The following C4orf50 variants were observed in gnomAD, a reference collection of about 807,000 sequenced individuals.
The protein encoded by C4orf50 is chromosome 4 open reading frame 50, also known as uncharacterized protein C4orf50.
In C4orf50, 80 loss-of-function variants were observed where a neutral mutation model predicts 77.2. That is an observed-to-expected ratio of 1.04 (90% CI 0.87 to 1.25). C4orf50 has a LOEUF of 1.25. C4orf50 is among the 50% of genes most tolerant of loss of function. C4orf50 has a pLI of 0.00. For missense variants in C4orf50, 1,257 were observed against 1,152.9 expected (o/e 1.09, Z -1.31); for synonymous variants, 532 against 465.3 (o/e 1.14, Z -1.84).
chr4:6,018,383 T>A lies in C4orf50; in HGVS notation c.49A>T (p.Ile17Phe), dbSNP rs566683142. 33 of 399,072 alleles carry A rather than the reference T, an allele frequency of 8.3e-5. No homozygotes were observed. Among genetic ancestry groups the A allele is most frequent in the African/African-American group, 6.6e-4 (32 of 48,760 alleles). 24.7% of individuals were successfully genotyped at this position (399,072 alleles called of 1,614,324 possible). A position where few individuals can be genotyped will look rare whatever the true frequency, so the allele number is the denominator to read the frequency against. Residue 17 changes from isoleucine (I) to phenylalanine (F), a missense_variant, in exon 23 of 34, where the codon ATC becomes TTC. Ile to Phe is a conservative substitution (Grantham distance 21, BLOSUM62 0). Transcript: ENST00000531445. This position sits in a 1 kb window ranked among gnomAD's most constrained non-coding sequence, Gnocchi z 5.1. ...AACCCCTCACTGCTGGGGGCTCTGATGACGTAGCTGAAACTCTCCTCAGTC... is the reference window on the plus strand; with the variant it reads ...AACCCCTCACTGCTGGGGGCTCTGAAGACGTAGCTGAAACTCTCCTCAGTC...
chr4:5,931,103 C>T (rs1299871297), intron 7 of C4orf50, among the ~76,000 whole-genome samples: 1 of 152,198 alleles, frequency 6.6e-6, no homozygotes, highest in Admixed American at 6.5e-5. Context: ...CTGCAGGTCA[C>T]TGGAATCCAA....
intron 7 of C4orf50, among the ~76,000 whole-genome samples, chr4:5,946,709 G>A (rs1718496254): frequency 6.6e-6 from 1 of 152,228 alleles, no homozygotes; most frequent in Admixed American, 6.5e-5. Context: ...TCGGGTTTCA[G>A]TTTAGATTGT....
chr4:5,996,799 G>A (rs756213845), intron 25 of C4orf50, among the ~76,000 whole-genome samples: 4 of 152,228 alleles, frequency 2.6e-5, no homozygotes, highest in Non-Finnish European at 5.9e-5. Context: ...GGCCTGGGCA[G>A]CGACATCCTG....
Position 6,000,649 on chromosome 4 carries a change from C to T in C4orf50, c.964-6173G>A, listed in dbSNP as rs1721791950. Among the ~76,000 whole-genome samples, 1 of 152,142 alleles carries T rather than the reference C, an allele frequency of 6.6e-6. No homozygotes were observed. The highest frequency in any genetic ancestry group is 2.4e-5 in the African/African-American group (1 of 41,442). Reference sequence around the variant, plus strand: ...TCTGCCCCTACCTCCTTCACCCAATCTGTTTTGTCATCCTGTGGGGCAGGG... The same window carrying T: ...TCTGCCCCTACCTCCTTCACCCAATTTGTTTTGTCATCCTGTGGGGCAGGG... On this transcript the variant is annotated intron_variant, in intron 25 of 33. Coordinates refer to ENST00000531445, the Ensembl canonical transcript of C4orf50. This position sits in a 1 kb window ranked among gnomAD's most constrained non-coding sequence, Gnocchi z 6.0.
At chr4:5,961,866 G>A (rs778737895) in intron 33 of C4orf50, among the ~76,000 whole-genome samples, 2 of 151,924 alleles carry the variant, frequency 1.3e-5, no homozygotes, top group South Asian at 2.1e-4. Context: ...TTTGTGTGAC[G>A]TGACAAATTT....
chr4:5,922,057 T>C (rs1021395957), intron 7 of C4orf50, among the ~76,000 whole-genome samples: 5 of 152,148 alleles, frequency 3.3e-5, no homozygotes. Flanking sequence ...AGGAAAGTGA[T>C]GAGAGCCCAG....
intron 7 of C4orf50, among the ~76,000 whole-genome samples, chr4:5,909,690 A>T (rs986680980): frequency 6.6e-6 from 1 of 152,158 alleles, no homozygotes; most frequent in Non-Finnish European, 1.5e-5. Context: ...ATAAGTGGTG[A>T]GAGATAGGGG....
rs1471663029 is a variant in C4orf50 at position 6,011,572 on chromosome 4, G to T, written c.426+258C>A. ...AGGAGCCCTGCATCAGCCAACTCCT[G>T]TCCTCAGTCTGTGGCCTGGCGCTGA... On this transcript the variant is annotated intron_variant, in intron 24 of 33. Coordinates refer to ENST00000531445, the Ensembl canonical transcript of C4orf50. This position sits in a 1 kb window ranked among gnomAD's most constrained non-coding sequence, Gnocchi z 4.2. 6.6e-6 allele frequency among the ~76,000 whole-genome samples: 1 copy of T among 152,108 alleles called. No homozygotes were observed. The highest frequency in any genetic ancestry group is 1.5e-5 in the Non-Finnish European group (1 of 68,024).
At chr4:6,013,907 A>C (rs929045017) in intron 23 of C4orf50, among the ~76,000 whole-genome samples, 1 of 152,094 alleles carries the variant, frequency 6.6e-6, no homozygotes, top group African/African-American at 2.4e-5. Flanking sequence ...GGAAGCTAAT[A>C]CACTCACGAA....
At position 6,008,315 on chromosome 4, in the gene C4orf50, G is replaced by A. The variant is rs1722336966; in HGVS notation, c.644C>T (p.Ala215Val). The A allele has an allele frequency of 5.1e-6, 2 of 388,616 alleles. No individual in the cohort carries two copies. Among genetic ancestry groups the A allele is most frequent in the Non-Finnish European group, 9.1e-6 (2 of 219,746 alleles). The allele number at this position is 388,616 out of a possible 1,614,324, so 24.1% of individuals were successfully genotyped here. ...CCACTGGGCCAGCAGGAGGCCCGCG[G>A]CGCGGCAGAGGCGCCGCACGTTGCG... Residue 215 changes from alanine to valine, a missense_variant, in exon 25 of 34, where the codon GCC (alanine) becomes GTC (valine). Coordinates refer to ENST00000531445, the Ensembl canonical transcript of C4orf50. The surrounding 1 kb of genome is among the most constrained non-coding windows in gnomAD (Gnocchi z 6.0).
intron 7 of C4orf50, among the ~76,000 whole-genome samples, chr4:5,944,152 C>G (rs1352262585): frequency 2.0e-5 from 3 of 152,182 alleles, no homozygotes; most frequent in African/African-American, 4.8e-5. Flanking sequence ...GCTTCCCTGG[C>G]CTCCTGGTTC....
intron 7 of C4orf50, among the ~76,000 whole-genome samples, chr4:5,921,250 C>T (rs1347894494): frequency 1.3e-5 from 2 of 152,180 alleles, no homozygotes; most frequent in East Asian, 3.9e-4. Flanking sequence ...GGCTCCCTGA[C>T]AGACTCTTCA....
intron 7 of C4orf50, among the ~76,000 whole-genome samples, chr4:5,936,489 G>GC (rs1718019138): frequency 6.7e-6 from 1 of 148,950 alleles, no homozygotes; most frequent in African/African-American, 2.5e-5. Context: ...TTGAACCCAG[G>GC]AGGTGAAGGC....
Position 5,992,848 on chromosome 4 carries a change from G to A in C4orf50, c.1176C>T (p.Thr392=). Residue 392 remains threonine, a synonymous_variant, in exon 27 of 34, where the codon ACC becomes ACT. Transcript: ENST00000531445. This position sits in a 1 kb window ranked among gnomAD's most constrained non-coding sequence, Gnocchi z 5.0. ...CCAGGTCTCTGGGGAGCTCGCTTGT[G>A]GTCTCCGGGCCTGGAGCCAAAACAG... 1 of 399,136 alleles carries A rather than the reference G, an allele frequency of 2.5e-6. No homozygotes were observed. Among genetic ancestry groups the A allele is most frequent in the Non-Finnish European group, 4.4e-6 (1 of 226,148 alleles). The allele number at this position is 399,136 out of a possible 1,614,324, so 24.7% of individuals were successfully genotyped here.
At chr4:5,923,475 A>G in intron 7 of C4orf50, 1 of 152,508 alleles carries the variant, frequency 6.6e-6, no homozygotes, top group Non-Finnish European at 1.5e-5. Context: ...GGCTGGGGAC[A>G]GGTGTGCATT....
rs556690144 is a variant in C4orf50, at chr4:6,015,905, G to A, written c.287+2240C>T. On this transcript the variant is annotated intron_variant, in intron 23 of 33. Transcript: ENST00000531445. The surrounding 1 kb of genome is among the most constrained non-coding windows in gnomAD (Gnocchi z 4.4). ...TGATTGGTCTTAGAGACCAGCCGGCGAATCTGGGTCCATATCCCCATGTCA... is the reference window on the plus strand; with the variant it reads ...TGATTGGTCTTAGAGACCAGCCGGCAAATCTGGGTCCATATCCCCATGTCA... Among the ~76,000 whole-genome samples the A allele has an allele frequency of 3.9e-5, 6 of 152,212 alleles. No homozygotes were observed. The highest frequency in any genetic ancestry group is 3.9e-4 in the East Asian group (2 of 5,164).
chr4:5,948,482 T>G (rs1330891256), intron 7 of C4orf50, among the ~76,000 whole-genome samples: 1 of 151,736 alleles, frequency 6.6e-6, no homozygotes, highest in Non-Finnish European at 1.5e-5. Flanking sequence ...CTGACCAACA[T>G]GGTGAAACCC....
chr4:5,988,955 G>A lies in C4orf50; in HGVS notation c.3091C>T (p.Leu1031Phe), dbSNP rs78024534. The change falls in exon 28 of 34, where the codon CTC becomes TTC. Residue 1031 changes from leucine (L) to phenylalanine (F), a missense_variant. By Grantham distance (22) the Leu-to-Phe change is conservative (BLOSUM62 0). Coordinates refer to ENST00000531445, the Ensembl canonical transcript of C4orf50. ...ACACTCTCAGACGTGGCTTTCTGGA[G>A]TTGGCCCAGATTCCCTTTCAGTGTT... 7.2e-4 allele frequency: 1,109 copies of A among 1,536,048 alleles called. 11 individuals carry two copies. In the African/African-American group the frequency reaches 0.014, roughly 19 times the overall value.
At chr4:5,989,631 CTCA>C (rs1228073528) in exon 28 of C4orf50, 6 of 1,536,042 alleles carry the variant, frequency 3.9e-6, no homozygotes, top group Non-Finnish European at 5.2e-6. Flanking sequence ...CCTGTGCAAG[CTCA>C]TCGATTGTGA....
Sources: allele counts gnomAD v4.1 joint callset (sites outside exome capture counted in the v4.1 genomes callset), GRCh38; gene constraint gnomAD v4.1.1; non-coding constraint Gnocchi (gnomAD v3.1); transcripts MANE v1.5; gene names NCBI Gene and HGNC (gene_info 2026-07-23, HGNC 2026-07-21).